RFX7: variants seen among roughly 807,000 people sequenced by gnomAD.
RFX7 encodes the protein regulatory factor X7.
RFX7 carries 26 observed loss-of-function variants against 111.8 expected under a neutral mutation model. The ratio of observed to expected loss-of-function variants is 0.23; its 90% CI spans 0.17 to 0.32. The LOEUF (loss-of-function observed/expected upper bound fraction) is 0.32, where lower values mean the gene tolerates loss of function less well. Ranked by LOEUF, RFX7 falls within the 10% of genes least tolerant of loss-of-function variation. The pLI is 1.00. For missense variants in RFX7, 1,573 were observed against 1,772.9 expected, an observed-to-expected ratio of 0.89 and a Z score of 2.02; for synonymous variants, 624 against 624.4, an observed-to-expected ratio of 1.00 and a Z score of 0.01.
chr15:56,236,879 T>C (rs984414306), intron 2 of RFX7, among the ~76,000 whole-genome samples: 1 of 152,330 alleles, frequency 6.6e-6, no homozygotes, highest in East Asian at 1.9e-4. Flanking sequence ...GCCTTACTTT[T>C]GCACAATAAA....
chr15:56,111,895 T>A (rs2041938348), intron 5 of RFX7, among the ~76,000 whole-genome samples: 1 of 151,774 alleles, frequency 6.6e-6, no homozygotes, highest in Non-Finnish European at 1.5e-5. Flanking sequence ...GGCGGGTGGA[T>A]CACGAGGTCA....
At chr15:56,128,470 A>C (rs1032511881) in intron 5 of RFX7, among the ~76,000 whole-genome samples, 10 of 152,226 alleles carry the variant, frequency 6.6e-5, no homozygotes, top group African/African-American at 2.4e-4. Flanking sequence ...AGTTCATCTA[A>C]AAAAACCTTT....
intron 2 of RFX7, among the ~76,000 whole-genome samples, chr15:56,182,688 AACT>A (rs1281806624): frequency 5.9e-5 from 9 of 152,202 alleles, no homozygotes; most frequent in Admixed American, 4.6e-4. Context: ...CATTCATTTT[AACT>A]ACTAAAAATT....
chr15:56,094,407 A>AT lies in RFX7; in HGVS notation c.3320dup (p.Tyr1107Ter), dbSNP rs763993806. 1 of 1,614,006 alleles carries AT rather than the reference A, an allele frequency of 6.2e-7. No individual in the cohort carries two copies. The highest frequency in any genetic ancestry group is 8.5e-7 in the Non-Finnish European group (1 of 1,179,880). ...PHAFAVPGQS[Y>*]QSQSRHHDTH... is the part of the protein sequence containing the mutation. The stretch of plus-strand genomic sequence containing the variant: ...TGTCATGATGTCTGGATTGAGACTG[A>AT]TAAGACTGTCCAGGCACAGCAAAAG... Residue 1107 changes from tyrosine to a stop codon, truncating the protein, a stop_gained and frameshift_variant, in exon 10 of 10, where the codon TAT (tyrosine) becomes TAAT (stop). Transcript: ENST00000559447. LOFTEE classifies it high-confidence loss of function.
At chr15:56,152,656 G>T (rs2042589197) in intron 3 of RFX7, among the ~76,000 whole-genome samples, 1 of 151,156 alleles carries the variant, frequency 6.6e-6, no homozygotes, top group South Asian at 2.1e-4. Context: ...GAGAAGCAAG[G>T]GAAAACAAAT....
chr15:56,144,656 T>C (rs370037135), intron 3 of RFX7, among the ~76,000 whole-genome samples, 173 bp from the exon 4 acceptor site: 9 of 152,140 alleles, frequency 5.9e-5, no homozygotes, highest in Admixed American at 2.0e-4. Flanking sequence ...GATAAATTTA[T>C]TGCATACAAA....
At chr15:56,174,358 A>C (rs1244401836) in intron 3 of RFX7, among the ~76,000 whole-genome samples, 1 of 152,232 alleles carries the variant, frequency 6.6e-6, no homozygotes, top group East Asian at 1.9e-4. Flanking sequence ...GATGGGATTT[A>C]TAGCAGATTA....
intron 2 of RFX7, among the ~76,000 whole-genome samples, chr15:56,193,453 T>A (rs1433858068): frequency 1.3e-5 from 2 of 152,226 alleles, no homozygotes; most frequent in Non-Finnish European, 2.9e-5. Flanking sequence ...TCTAATTTTT[T>A]AAATTGATGA....
At chr15:56,156,308 C>G (rs1323105772) in intron 3 of RFX7, among the ~76,000 whole-genome samples, 3 of 152,036 alleles carry the variant, frequency 2.0e-5, no homozygotes, top group Non-Finnish European at 4.4e-5. Flanking sequence ...ATTAAAACTA[C>G]AAAGTATTTC....
chr15:56,123,683 T>A (rs985410367), intron 5 of RFX7, among the ~76,000 whole-genome samples: 2 of 152,174 alleles, frequency 1.3e-5, no homozygotes, highest in Non-Finnish European at 2.9e-5. Context: ...CTTTCAAGTT[T>A]ATTTAGGACT....
intron 2 of RFX7, among the ~76,000 whole-genome samples, chr15:56,223,431 G>A (rs1248932719): frequency 6.6e-6 from 1 of 151,966 alleles, no homozygotes; most frequent in Non-Finnish European, 1.5e-5. Flanking sequence ...CTTACCTATT[G>A]GATTTCCCTT....
At position 56,092,480 on chromosome 15, in the gene RFX7, A is replaced by C. The variant is rs1464247419; in HGVS notation, c.*865T>G. On this transcript the variant is annotated 3_prime_UTR_variant, in exon 10 of 10. Coordinates refer to ENST00000559447, the MANE Select transcript of RFX7 (RefSeq NM_022841.7). ...ATGTACATGCAGCCATTGTGATGAA[A>C]CTAAGAGAATGCTTTTGTTTTCCTT... The C allele has an allele frequency of 1.3e-5, 2 of 152,200 alleles. No homozygotes were observed. Among genetic ancestry groups the C allele is most frequent in the African/African-American group, 4.8e-5 (2 of 41,468 alleles). The allele number at this position is 152,200 out of a possible 1,614,324, so 9.4% of individuals were successfully genotyped here.
intron 2 of RFX7, among the ~76,000 whole-genome samples, chr15:56,210,345 A>C (rs1276520580): frequency 1.3e-5 from 2 of 152,104 alleles, no homozygotes; most frequent in African/African-American, 4.8e-5. Flanking sequence ...GGAGAAACAG[A>C]ATAGACTATT....
At chr15:56,145,556 G>C (rs2042456806) in intron 3 of RFX7, among the ~76,000 whole-genome samples, 1 of 152,012 alleles carries the variant, frequency 6.6e-6, no homozygotes, top group African/African-American at 2.4e-5. Context: ...ATTGGCTCTT[G>C]CTCCAATACC....
chr15:56,147,219 C>T (rs1188018052), intron 3 of RFX7, among the ~76,000 whole-genome samples: 1 of 152,014 alleles, frequency 6.6e-6, no homozygotes, highest in South Asian at 2.1e-4. Flanking sequence ...GAGAAAAGAC[C>T]AACTTCATAA....
At chr15:56,204,636 T>C (rs1169053289) in intron 2 of RFX7, among the ~76,000 whole-genome samples, 1 of 152,190 alleles carries the variant, frequency 6.6e-6, no homozygotes, top group African/African-American at 2.4e-5. Context: ...ACCTTTTTGA[T>C]TTGATCAAAA....
At chr15:56,185,424 T>G (rs528553711) in intron 2 of RFX7, among the ~76,000 whole-genome samples, 1 of 152,306 alleles carries the variant, frequency 6.6e-6, no homozygotes, top group Non-Finnish European at 1.5e-5. Context: ...TTAATCAAGT[T>G]TATTAATTAT....
At chr15:56,145,558 TCCAA>T (rs2042456896) in intron 3 of RFX7, among the ~76,000 whole-genome samples, 1 of 152,188 alleles carries the variant, frequency 6.6e-6, no homozygotes, top group Non-Finnish European at 1.5e-5. Flanking sequence ...TGGCTCTTGC[TCCAA>T]TACCTAATGT....
At chr15:56,206,923 A>G (rs957645960) in intron 2 of RFX7, among the ~76,000 whole-genome samples, 24 of 152,026 alleles carry the variant, frequency 1.6e-4, no homozygotes, top group African/African-American at 5.6e-4. Flanking sequence ...AAAAAAAAAT[A>G]GAATAAGACC....
Sources: allele counts gnomAD v4.1 joint callset (sites outside exome capture counted in the v4.1 genomes callset), GRCh38; gene constraint gnomAD v4.1.1; transcripts MANE v1.5; gene names NCBI Gene and HGNC (gene_info 2026-07-23, HGNC 2026-07-21).